SYNDIG1L: variants seen among roughly 807,000 people sequenced by gnomAD.
SYNDIG1L encodes synapse differentiation inducing 1 like, also known as synapse differentiation-inducing gene protein 1-like.
SYNDIG1L carries 13 observed loss-of-function variants against 20.1 expected under a neutral mutation model. The observed-to-expected ratio is 0.65, with a 90% CI of 0.42 to 1.03. SYNDIG1L has a LOEUF of 1.03. Among genes scored for constraint, SYNDIG1L ranks in the 50% least tolerant of loss-of-function variants. The pLI is 0.00. For missense variants in SYNDIG1L, 294 were observed against 305.1 expected (o/e 0.96, Z 0.27); for synonymous variants, 128 against 129.3 (o/e 0.99, Z 0.07).
At chr14:74,429,602 G>A (rs566908338), upstream of SYNDIG1L, among the ~76,000 whole-genome samples, 12 of 152,200 alleles carry the variant, frequency 7.9e-5, no homozygotes, top group South Asian at 2.1e-4. Flanking sequence ...CCTCTACCTC[G>A]GAGTTGAGCT....
the SYNDIG1L span, among the ~76,000 whole-genome samples, chr14:74,469,943 C>T: frequency 1.9e-4 from 29 of 152,122 alleles, no homozygotes; most frequent in African/African-American, 6.0e-4. Context: ...AAGACAGTCC[C>T]GGAATGCCAA....
intron 1 of SYNDIG1L, among the ~76,000 whole-genome samples, chr14:74,419,667 A>G (rs2139629097): frequency 6.6e-6 from 1 of 152,346 alleles, no homozygotes; most frequent in Admixed American, 6.5e-5. Flanking sequence ...TGCTAGCAGC[A>G]CACAGAATGC....
chr14:74,470,911 G>A, the SYNDIG1L span, among the ~76,000 whole-genome samples: 54 of 152,216 alleles, frequency 3.5e-4, no homozygotes, highest in Non-Finnish European at 5.9e-4. Flanking sequence ...CTTTATCTGC[G>A]CTGATCTCAG....
chr14:74,466,839 C>G, the SYNDIG1L span, among the ~76,000 whole-genome samples: 9 of 152,336 alleles, frequency 5.9e-5, no homozygotes, highest in African/African-American at 2.2e-4. Context: ...GAAGCCATTG[C>G]TCAATCACAC....
upstream of SYNDIG1L, among the ~76,000 whole-genome samples, chr14:74,430,636 T>C (rs1452417010): frequency 1.3e-5 from 2 of 152,196 alleles, no homozygotes; most frequent in African/African-American, 4.8e-5. Context: ...GGGTTCACCA[T>C]GTTGGCCAGG....
the SYNDIG1L span, among the ~76,000 whole-genome samples, chr14:74,441,608 T>C: frequency 6.6e-6 from 1 of 152,132 alleles, no homozygotes; most frequent in Non-Finnish European, 1.5e-5. Context: ...TGGGCTCAAG[T>C]GATCCTCCCA....
intron 1 of SYNDIG1L, among the ~76,000 whole-genome samples, chr14:74,423,513 AG>A (rs1363606913): frequency 6.6e-6 from 1 of 152,106 alleles, no homozygotes; most frequent in Non-Finnish European, 1.5e-5. Flanking sequence ...TGACGTGAGG[AG>A]GGGGGACTGG....
At chr14:74,420,746 A>C (rs1195410451) in intron 1 of SYNDIG1L, among the ~76,000 whole-genome samples, 1 of 152,216 alleles carries the variant, frequency 6.6e-6, no homozygotes, top group Non-Finnish European at 1.5e-5. Context: ...AATCATAATA[A>C]ATCCTGTGGA....
At chr14:74,438,276 C>CA in the SYNDIG1L span, among the ~76,000 whole-genome samples, 1 of 152,064 alleles carries the variant, frequency 6.6e-6, no homozygotes, top group African/African-American at 2.4e-5. Context: ...CTTAGGCTTA[C>CA]AAAAAAACTT....
At chr14:74,445,991 G>A in the SYNDIG1L span, among the ~76,000 whole-genome samples, 4 of 152,166 alleles carry the variant, frequency 2.6e-5, no homozygotes, top group Non-Finnish European at 5.9e-5. Flanking sequence ...TTGAGGCACA[G>A]AGAGATTAGG....
intron 1 of SYNDIG1L, among the ~76,000 whole-genome samples, chr14:74,423,944 C>T (rs564958962): frequency 6.6e-6 from 1 of 152,120 alleles, no homozygotes; most frequent in Admixed American, 6.5e-5. Context: ...GCAGGAGCCC[C>T]TCTCAGTTCA....
chr14:74,468,270 G>A, the SYNDIG1L span, among the ~76,000 whole-genome samples: 1 of 152,180 alleles, frequency 6.6e-6, no homozygotes, highest in Non-Finnish European at 1.5e-5. Context: ...TCTGATGACA[G>A]ATGTGAAGGT....
intron 1 of SYNDIG1L, among the ~76,000 whole-genome samples, chr14:74,425,177 C>A (rs1232160277): frequency 4.0e-5 from 6 of 151,898 alleles, no homozygotes; most frequent in Non-Finnish European, 8.8e-5. Flanking sequence ...TCATTCAGCG[C>A]ACTCTTGCCA....
At chr14:74,451,393 A>G in the SYNDIG1L span, among the ~76,000 whole-genome samples, 5 of 152,244 alleles carry the variant, frequency 3.3e-5, no homozygotes, top group Non-Finnish European at 7.3e-5. Flanking sequence ...TGTTCAATCC[A>G]TACCTTATAC....
the SYNDIG1L span, among the ~76,000 whole-genome samples, chr14:74,469,282 A>C: frequency 6.7e-6 from 1 of 149,632 alleles, no homozygotes; most frequent in East Asian, 2.0e-4. Flanking sequence ...AGAAAACCAA[A>C]CACTGCATGT....
At chr14:74,441,591 G>A in the SYNDIG1L span, among the ~76,000 whole-genome samples, 2 of 152,090 alleles carry the variant, frequency 1.3e-5, no homozygotes, top group African/African-American at 2.4e-5. Flanking sequence ...CTGTAGCCTC[G>A]AATTCCTGGG....
the SYNDIG1L span, among the ~76,000 whole-genome samples, chr14:74,456,157 G>A: frequency 6.6e-6 from 1 of 152,188 alleles, no homozygotes; most frequent in Non-Finnish European, 1.5e-5. Flanking sequence ...GCCAGCAGCT[G>A]TGTGCCACTA....
chr14:74,463,372 T>G, the SYNDIG1L span, among the ~76,000 whole-genome samples: 1 of 152,202 alleles, frequency 6.6e-6, no homozygotes, highest in Non-Finnish European at 1.5e-5. Flanking sequence ...CTCAGGGTTC[T>G]GCAGAGTGTC....
chr14:74,471,488 C>T, the SYNDIG1L span, among the ~76,000 whole-genome samples: 1 of 151,986 alleles, frequency 6.6e-6, no homozygotes, highest in African/African-American at 2.4e-5. Context: ...ATCTCAGCTA[C>T]TTGGGGGACT....
Sources: allele counts gnomAD v4.1 joint callset (sites outside exome capture counted in the v4.1 genomes callset), GRCh38; gene constraint gnomAD v4.1.1; transcripts MANE v1.5; gene names NCBI Gene and HGNC (gene_info 2026-07-23, HGNC 2026-07-21).